The following PRKN variants were observed in gnomAD, a reference collection of about 807,000 sequenced individuals.
PRKN encodes the protein E3 ubiquitin-protein ligase parkin.
In PRKN, 56 loss-of-function variants were observed where a neutral mutation model predicts 59.5. That is an observed-to-expected ratio of 0.94 (90% CI 0.76 to 1.18). The LOEUF is 1.18. Ranked by LOEUF, PRKN falls within the 50% of genes most tolerant of loss-of-function variation. PRKN has a pLI of 0.00. For missense variants in PRKN, 657 were observed against 596.4 expected, an observed-to-expected ratio of 1.10 and a Z score of -1.06; for synonymous variants, 250 against 222.1, an observed-to-expected ratio of 1.13 and a Z score of -1.12.
At chr6:162,005,864 T>A (rs930886414) in intron 5 of PRKN, among the ~76,000 whole-genome samples, 3 of 152,128 alleles carry the variant, frequency 2.0e-5, no homozygotes, top group African/African-American at 7.2e-5. Flanking sequence ...ATTTCTATTA[T>A]CTAAATCTAT....
At chr6:161,741,172 T>C (rs1160923196) in intron 7 of PRKN, among the ~76,000 whole-genome samples, 1 of 152,192 alleles carries the variant, frequency 6.6e-6, no homozygotes, top group African/African-American at 2.4e-5. Flanking sequence ...CAACTCTGTC[T>C]ATCTACTCTA....
intron 9 of PRKN, among the ~76,000 whole-genome samples, chr6:161,486,971 G>A (rs1791678445): frequency 6.6e-6 from 1 of 152,138 alleles, no homozygotes; most frequent in South Asian, 2.1e-4. Flanking sequence ...TAGTAACAAT[G>A]CACATCAGTG....
intron 4 of PRKN, among the ~76,000 whole-genome samples, chr6:162,172,762 T>A (rs1201000408): frequency 2.0e-5 from 3 of 152,272 alleles, no homozygotes; most frequent in Middle Eastern, 3.4e-3. Flanking sequence ...TGAATCTGTC[T>A]ATACTCAGAA....
At chr6:162,272,370 G>GTAT (rs749562248) in intron 2 of PRKN, among the ~76,000 whole-genome samples, 42 of 152,084 alleles carry the variant, frequency 2.8e-4, no homozygotes, top group South Asian at 1.9e-3. Flanking sequence ...TTTTCTTTAA[G>GTAT]TATTATTTTA....
intron 6 of PRKN, among the ~76,000 whole-genome samples, chr6:161,867,750 T>TTTATTTA (rs1794176554): frequency 6.8e-6 from 1 of 146,224 alleles, no homozygotes; most frequent in African/African-American, 2.7e-5. Context: ...CATTTATTTA[T>TTTATTTA]TTATTTATTT....
At chr6:161,744,283 G>A (rs1042523514) in intron 7 of PRKN, among the ~76,000 whole-genome samples, 11 of 151,364 alleles carry the variant, frequency 7.3e-5, no homozygotes, top group Admixed American at 2.0e-4. Flanking sequence ...ATGCAGCACA[G>A]ATGTGAACAG....
intron 7 of PRKN, among the ~76,000 whole-genome samples, chr6:161,765,611 C>T (rs1259911259): frequency 1.3e-5 from 2 of 152,122 alleles, no homozygotes; most frequent in South Asian, 4.2e-4. Context: ...GAGAACAACA[C>T]CCAATTCTTG....
At chr6:162,568,398 A>G (rs1034842811) in intron 1 of PRKN, 8 of 494,310 alleles carry the variant, frequency 1.6e-5, no homozygotes, top group African/African-American at 1.4e-4. Context: ...AGGGTGACCC[A>G]GAAGTCCTAT....
chr6:162,402,735 A>G (rs551192781), intron 2 of PRKN, among the ~76,000 whole-genome samples: 201 of 151,638 alleles, frequency 1.3e-3, no homozygotes, highest in African/African-American at 4.7e-3. Context: ...AGCTCACCGA[A>G]GCCTGAAGCC....
intron 6 of PRKN, among the ~76,000 whole-genome samples, chr6:161,947,454 A>G (rs917003314): frequency 1.3e-5 from 2 of 152,172 alleles, no homozygotes; most frequent in Non-Finnish European, 2.9e-5. Context: ...AATGGTTCAC[A>G]ATGAGGCTGT....
intron 6 of PRKN, among the ~76,000 whole-genome samples, chr6:161,850,361 C>T (rs984722112): frequency 6.6e-6 from 1 of 151,992 alleles, no homozygotes; most frequent in Non-Finnish European, 1.5e-5. Flanking sequence ...GCGTGGATCA[C>T]GAGGTCAAGA....
intron 2 of PRKN, among the ~76,000 whole-genome samples, chr6:162,399,483 C>A (rs998494882): frequency 1.4e-4 from 22 of 152,082 alleles, no homozygotes; most frequent in African/African-American, 5.3e-4. Flanking sequence ...ACAGGACACC[C>A]CTCCACAATA....
intron 7 of PRKN, among the ~76,000 whole-genome samples, chr6:161,586,634 G>GTTTC (rs1257426635): frequency 6.6e-6 from 1 of 152,110 alleles, no homozygotes; most frequent in African/African-American, 2.4e-5. Flanking sequence ...GTGTCCATGG[G>GTTTC]TAGAATATCC....
intron 2 of PRKN, among the ~76,000 whole-genome samples, chr6:162,368,369 C>T (rs1368117236): frequency 3.3e-5 from 5 of 152,174 alleles, no homozygotes; most frequent in African/African-American, 9.7e-5. Flanking sequence ...CTTTGTATTA[C>T]TACAGAATGT....
chr6:162,092,285 C>T (rs532446103), intron 4 of PRKN, among the ~76,000 whole-genome samples: 3 of 152,028 alleles, frequency 2.0e-5, no homozygotes, highest in East Asian at 1.9e-4. Flanking sequence ...ACCTGGGAGG[C>T]GGAAGTTGCA....
At chr6:161,425,876 A>AT (rs985680691) in intron 9 of PRKN, among the ~76,000 whole-genome samples, 5 of 152,070 alleles carry the variant, frequency 3.3e-5, no homozygotes, top group Non-Finnish European at 7.3e-5. Context: ...AAGACATGGT[A>AT]TTTTTTTAAT....
At chr6:161,424,978 A>C (rs1479592000) in intron 9 of PRKN, among the ~76,000 whole-genome samples, 2 of 152,182 alleles carry the variant, frequency 1.3e-5, no homozygotes, top group African/African-American at 4.8e-5. Context: ...CTTTGTTCAG[A>C]AACACTTAAG....
intron 1 of PRKN, among the ~76,000 whole-genome samples, chr6:162,606,322 A>C (rs1005677387): frequency 3.3e-5 from 5 of 152,204 alleles, no homozygotes; most frequent in African/African-American, 1.2e-4. Context: ...ACATGCTTAG[A>C]GCGCTTAGAT....
chr6:162,107,888 G>T (rs757979494), intron 4 of PRKN, among the ~76,000 whole-genome samples: 2 of 152,228 alleles, frequency 1.3e-5, no homozygotes, highest in South Asian at 4.1e-4. Context: ...TTCTCTAAAT[G>T]AAAACCCCAT....
Sources: gnomAD v4.1 joint callset for allele counts (sites outside exome capture counted in the v4.1 genomes callset) on GRCh38, gnomAD v4.1.1 for gene constraint, MANE v1.5 for transcripts, NCBI Gene and HGNC (gene_info 2026-07-23, HGNC 2026-07-21) for gene names.